PPP2R2B: variants seen among roughly 807,000 people sequenced by gnomAD.
PPP2R2B encodes protein phosphatase 2 regulatory subunit Bbeta.
In PPP2R2B, 5 loss-of-function variants were observed where a neutral mutation model predicts 46.0. The ratio of observed to expected loss-of-function variants is 0.11; its 90% CI spans 0.06 to 0.23. The LOEUF (loss-of-function observed/expected upper bound fraction) is 0.23. PPP2R2B is among the 10% of genes least tolerant of loss of function. The probability of loss-of-function intolerance (pLI) is 1.00; values close to 1 mark genes in which losing one functional copy is unlikely to be tolerated. For synonymous variants in PPP2R2B, 215 were observed against 206.7 expected (o/e 1.04, Z -0.34); for missense variants, 367 against 575.0 (o/e 0.64, Z 3.70).
At chr5:146,775,703 TATG>T (rs1244627142) in intron 2 of PPP2R2B, among the ~76,000 whole-genome samples, 1 of 152,188 alleles carries the variant, frequency 6.6e-6, no homozygotes, top group African/African-American at 2.4e-5. Flanking sequence ...CTGCAGATGA[TATG>T]ATCTTACATT....
At position 146,906,048 on chromosome 5, in the gene PPP2R2B, C is replaced by T. The variant is rs184243728; in HGVS notation, c.79+149617G>A. Among the ~76,000 whole-genome samples the T allele has an allele frequency of 4.3e-3, 655 of 152,006 alleles. 1 individual carries two copies. Among genetic ancestry groups the T allele is most frequent in the Admixed American group, 7.5e-3 (115 of 15,262 alleles). ...ATTGAAACAATTTGGACATTTGAAC[C>T]TATTTTTTCAGCTGTGAATTTTATA... On this transcript the variant is annotated intron_variant, in intron 1 of 8. Coordinates refer to the PPP2R2B transcript ENST00000336640.
chr5:146,592,830 T>G (rs1770794561), intron 9 of PPP2R2B, 141 bp downstream of exon 9: 1 of 729,010 alleles, frequency 1.4e-6, no homozygotes, highest in East Asian at 2.5e-5. Context: ...CAAGGGTCAC[T>G]AGGGGCCCAC....
intron 4 of PPP2R2B, among the ~76,000 whole-genome samples, chr5:146,691,731 C>T (rs1180169874): frequency 6.6e-6 from 1 of 152,092 alleles, no homozygotes; most frequent in Non-Finnish European, 1.5e-5. Context: ...ACCTTTCTGA[C>T]CCCCCTGTCC....
chr5:146,781,131 GATATATATATATATATATAT>G (rs56697862), intron 2 of PPP2R2B, among the ~76,000 whole-genome samples: 4,395 of 49,512 alleles, frequency 0.089, 584 homozygotes, highest in African/African-American at 0.25. Flanking sequence ...ATGCCACCAT[GATATATATATATATATATAT>G]ATATATATAT....
chr5:146,949,108 T>TGCTAGGTA (rs374480686), intron 1 of PPP2R2B, among the ~76,000 whole-genome samples: 285 of 152,232 alleles, frequency 1.9e-3, no homozygotes, highest in African/African-American at 6.6e-3. Flanking sequence ...GTGATACATG[T>TGCTAGGTA]GCTAGGTACT....
intron 7 of PPP2R2B, among the ~76,000 whole-genome samples, chr5:146,624,823 G>C (rs141103213): frequency 1.1e-3 from 166 of 152,266 alleles, no homozygotes; most frequent in African/African-American, 3.9e-3. Flanking sequence ...CTCCTCTCAT[G>C]CTATTCCTCC....
intron 1 of PPP2R2B, among the ~76,000 whole-genome samples, chr5:146,988,864 G>A (rs1347247731): frequency 2.0e-5 from 3 of 151,786 alleles, no homozygotes; most frequent in Non-Finnish European, 4.4e-5. Flanking sequence ...TAATCCTTTA[G>A]TTAGGCTAAT....
At chr5:146,696,646 T>C (rs1433826093) in intron 4 of PPP2R2B, among the ~76,000 whole-genome samples, 1 of 152,252 alleles carries the variant, frequency 6.6e-6, no homozygotes, top group African/African-American at 2.4e-5. Flanking sequence ...GAAATCAGGA[T>C]TGCAAAACAT....
intron 2 of PPP2R2B, among the ~76,000 whole-genome samples, chr5:146,848,994 C>T (rs1018035569): frequency 6.6e-5 from 10 of 152,140 alleles, no homozygotes; most frequent in African/African-American, 1.4e-4. Context: ...CAGTTGATTT[C>T]GGTGTCCTTT....
rs545494613 is a variant in PPP2R2B, at chr5:146,768,650, A to G, written c.71-67508T>C. ...AAATCCAAACTTCTTCCCATGATCT[A>G]TAAGGTCCCATACCATCTGACGCTG... is the stretch of plus-strand genomic sequence containing the variant. On this transcript the variant is annotated intron_variant, in intron 2 of 9. Transcript: ENST00000394411. Among the ~76,000 whole-genome samples the G allele has an allele frequency of 3.3e-5, 5 of 152,222 alleles. No homozygotes were observed. In the South Asian group the frequency reaches 1.0e-3, roughly 32 times the overall value.
intron 1 of PPP2R2B, among the ~76,000 whole-genome samples, chr5:146,948,746 T>C (rs935502448): frequency 6.6e-6 from 1 of 152,090 alleles, no homozygotes; most frequent in Non-Finnish European, 1.5e-5. Flanking sequence ...ATGATTGGAC[T>C]TGAGAGTTAA....
chr5:146,816,573 CA>C (rs1757945625), intron 2 of PPP2R2B, among the ~76,000 whole-genome samples: 1 of 152,112 alleles, frequency 6.6e-6, no homozygotes, highest in Non-Finnish European at 1.5e-5. Flanking sequence ...CAAAATGATG[CA>C]TTCAACATGA....
chr5:146,648,164 T>C (rs984825072), intron 6 of PPP2R2B, among the ~76,000 whole-genome samples: 8 of 152,186 alleles, frequency 5.3e-5, no homozygotes, highest in African/African-American at 1.2e-4. Context: ...ATGGAATGCA[T>C]ACTTTTTTAG....
chr5:146,880,191 G>A (rs1348009651), upstream of PPP2R2B, among the ~76,000 whole-genome samples: 9 of 149,870 alleles, frequency 6.0e-5, no homozygotes, highest in African/African-American at 9.8e-5. Context: ...GTGTGTGTGT[G>A]TGTGTGTGTG....
At chr5:146,815,733 C>A (rs1254365483) in intron 2 of PPP2R2B, among the ~76,000 whole-genome samples, 2 of 152,234 alleles carry the variant, frequency 1.3e-5, no homozygotes, top group Non-Finnish European at 2.9e-5. Context: ...TCCACACACA[C>A]ACACTTTAGG....
chr5:146,731,588 A>G (rs1209876086), intron 2 of PPP2R2B, among the ~76,000 whole-genome samples: 1 of 152,180 alleles, frequency 6.6e-6, no homozygotes. Flanking sequence ...TCTGAGGGTC[A>G]AAGCACATTT....
intron 5 of PPP2R2B, among the ~76,000 whole-genome samples, chr5:146,681,985 A>G (rs1778203208): frequency 6.6e-6 from 1 of 152,158 alleles, no homozygotes; most frequent in Non-Finnish European, 1.5e-5. Context: ...GAGTGTACAT[A>G]TGGGAGGTGT....
chr5:146,598,428 A>T lies in PPP2R2B; in HGVS notation c.960+1863T>A, dbSNP rs181369075. Among the ~76,000 whole-genome samples the T allele has an allele frequency of 1.9e-4, 29 of 152,286 alleles. No individual in the cohort carries two copies. The East Asian group carries it at 5.4e-3, about 28-fold the overall frequency. On this transcript the variant is annotated intron_variant, in intron 8 of 9. Transcript: ENST00000394411. ...TCTTTAATTATACTAATTGTCTAGA[A>T]GATCTCATCCAGTCCTATGGCTTTA...
intron 1 of PPP2R2B, chr5:147,055,601 T>A: frequency 7.0e-7 from 1 of 1,424,078 alleles, no homozygotes; most frequent in Non-Finnish European, 9.9e-7. Flanking sequence ...GCAGAACCCG[T>A]GGGAAGTCAG....
Sources: gnomAD v4.1 joint callset for allele counts (sites outside exome capture counted in the v4.1 genomes callset) on GRCh38, gnomAD v4.1.1 for gene constraint, MANE v1.5 for transcripts, NCBI Gene and HGNC (gene_info 2026-07-23, HGNC 2026-07-21) for gene names.